Variants in GABBR1 observed in about 807,000 individuals in gnomAD.
The protein encoded by GABBR1 is gamma-aminobutyric acid type B receptor subunit 1.
A neutral mutation model predicts 117.7 loss-of-function variants in GABBR1; 35 were observed. The observed-to-expected ratio is 0.30, with a 90% CI of 0.23 to 0.39. GABBR1 has a LOEUF of 0.39. Among genes scored for constraint, GABBR1 ranks in the 10% least tolerant of loss-of-function variants. The probability of loss-of-function intolerance (pLI) is 1.00; values close to 1 mark genes in which losing one functional copy is unlikely to be tolerated. For synonymous variants in GABBR1, 442 were observed against 486.6 expected (o/e 0.91, Z 1.21); for missense variants, 709 against 1,241.8 (o/e 0.57, Z 6.45).
chr6:29,609,203 A>G lies in GABBR1; in HGVS notation c.1859+26T>C. The G allele has an allele frequency of 6.2e-7, 1 of 1,610,178 alleles. No homozygotes were observed. The highest frequency in any genetic ancestry group is 8.5e-7 in the Non-Finnish European group (1 of 1,177,472). ...GATCAGTATCTCAGAGAGGCAGACA[A>G]GGAAAACGTCAGAAGAGAAACTTAC... is the stretch of plus-strand genomic sequence containing the variant. On this transcript the variant is annotated intron_variant, in intron 15 of 22. Transcript: ENST00000377034. This position sits in a 1 kb window ranked among gnomAD's most constrained non-coding sequence, Gnocchi z 4.3.
chr6:29,622,086 C>T lies in GABBR1; in HGVS notation c.1065+18G>A, dbSNP rs1763811649. On this transcript the variant is annotated intron_variant, in intron 9 of 22. Coordinates refer to ENST00000377034, the MANE Select transcript of GABBR1 (RefSeq NM_001470.4). The surrounding 1 kb of genome is among the most constrained non-coding windows in gnomAD (Gnocchi z 4.6). ...TGGTCCCTCCGTAAACAGAGCCCAC[C>T]ACTCCCAGCCATCTGACCTTCAGGT... The T allele has an allele frequency of 6.2e-7, 1 of 1,602,514 alleles. No homozygotes were observed. The highest frequency in any genetic ancestry group is 1.3e-5 in the African/African-American group (1 of 74,668).
Position 29,603,297 on chromosome 6 carries a change from C to G in GABBR1, c.*246G>C. 1.5e-6 allele frequency: 1 copy of G among 679,088 alleles called. No homozygotes were observed. The highest frequency in any genetic ancestry group is 1.8e-5 in the African/African-American group (1 of 56,832). The allele number at this position is 679,088 out of a possible 1,614,324, so 42.1% of individuals were successfully genotyped here. On this transcript the variant is annotated 3_prime_UTR_variant, in exon 23 of 23. Coordinates refer to ENST00000377034, the MANE Select transcript of GABBR1 (RefSeq NM_001470.4). ...GCAGTGAGCAGCTTCAAGCCAGGTA[C>G]GAACTAAATTGTGAAGAGGTGATAC... is the stretch of plus-strand genomic sequence containing the variant.
At chr6:29,603,897 C>A (rs1278977256) in intron 22 of GABBR1, among the ~76,000 whole-genome samples, 181 bp from the exon 23 acceptor site, 1 of 151,734 alleles carries the variant, frequency 6.6e-6, no homozygotes, top group Admixed American at 6.6e-5. Flanking sequence ...ACAAGAAAAG[C>A]CAGAGAACAT....
chr6:29,628,244 G>A lies in GABBR1; in HGVS notation c.497-598C>T, dbSNP rs1168576846. The A allele has an allele frequency of 1.4e-5, 13 of 920,050 alleles. No homozygotes were observed. The African/African-American group carries it at 2.4e-4, about 17-fold the overall frequency. The allele number at this position is 920,050 out of a possible 1,614,324, so 57.0% of individuals were successfully genotyped here. A position where few individuals can be genotyped will look rare whatever the true frequency, so the allele number is the denominator to read the frequency against. On this transcript the variant is annotated intron_variant, in intron 5 of 22. Transcript: ENST00000377034. ...GAAAGGAACGAAAGAGGAAGGGAGG[G>A]ATCTCACTTAAGGGGACCCGAGGGG...
In GABBR1 at chr6:29,605,937, G is replaced by C. The variant is rs911871878; in HGVS notation, c.2312-241C>G. 3 of 580,362 alleles carry C rather than the reference G, an allele frequency of 5.2e-6. No individual in the cohort carries two copies. Among genetic ancestry groups the C allele is most frequent in the Non-Finnish European group, 6.1e-6 (2 of 326,532 alleles). 36.0% of individuals were successfully genotyped at this position (580,362 alleles called of 1,614,324 possible). Reference sequence around the variant, plus strand: ...AGGAAAGCAATGGTGGCAAGCTGCTGTCAGTCAGGCAAGGGCTTGTTGAAT... The same window carrying C: ...AGGAAAGCAATGGTGGCAAGCTGCTCTCAGTCAGGCAAGGGCTTGTTGAAT... On this transcript the variant is annotated intron_variant, in intron 19 of 22. Transcript: ENST00000377034. The surrounding 1 kb of genome is among the most constrained non-coding windows in gnomAD (Gnocchi z 4.2).
rs1457632219 is a variant in GABBR1 at position 29,632,704 on chromosome 6, C to G, written c.-1+146G>C. ...TACCCACGCTCCCGGCATCGGCCGCCTCAGCGCTCCCCGATTCCATCCCCG... is the reference window on the plus strand; with the variant it reads ...TACCCACGCTCCCGGCATCGGCCGCGTCAGCGCTCCCCGATTCCATCCCCG... On this transcript the variant is annotated intron_variant, in intron 1 of 22. Coordinates refer to ENST00000377034, the MANE Select transcript of GABBR1 (RefSeq NM_001470.4). This position sits in a 1 kb window ranked among gnomAD's most constrained non-coding sequence, Gnocchi z 5.8. The G allele has an allele frequency of 3.7e-5, 52 of 1,398,828 alleles. No homozygotes were observed. Among genetic ancestry groups the G allele is most frequent in the Non-Finnish European group, 4.8e-5 (51 of 1,067,438 alleles). 86.7% of individuals were successfully genotyped at this position (1,398,828 alleles called of 1,614,324 possible).
At position 29,602,907 on chromosome 6, in the gene GABBR1, CAT is replaced by C. The variant is rs377133351; in HGVS notation, c.*634_*635del. 379 of 427,522 alleles carry C rather than the reference CAT, an allele frequency of 8.9e-4. 4 individuals carry two copies. The highest frequency in any genetic ancestry group is 5.1e-3 in the South Asian group (297 of 58,782). 26.5% of individuals were successfully genotyped at this position (427,522 alleles called of 1,614,324 possible). On this transcript the variant is annotated 3_prime_UTR_variant, in exon 23 of 23. Transcript: ENST00000377034. ...AGCATACGGGAAAAGCGTGTGTACA[CAT>C]GAGCATGTTCAGTGGGCACACGCAG...
Position 29,621,914 on chromosome 6 carries a change from G to T in GABBR1, c.1066-97C>A. 7.8e-7 allele frequency: 1 copy of T among 1,283,994 alleles called. No individual in the cohort carries two copies. The highest frequency in any genetic ancestry group is 1.1e-6 in the Non-Finnish European group (1 of 888,150). The allele number at this position is 1,283,994 out of a possible 1,614,324, so 79.5% of individuals were successfully genotyped here. A position where few individuals can be genotyped will look rare whatever the true frequency, so the allele number is the denominator to read the frequency against. ...CAGCTTTGATTTCCCATCCCAAAGT[G>T]CTTAGTGCAGGGTAACGCTCAACGT... On this transcript the variant is annotated intron_variant, in intron 9 of 22. Transcript: ENST00000377034. This position sits in a 1 kb window ranked among gnomAD's most constrained non-coding sequence, Gnocchi z 5.0.
chr6:29,609,812 A>G lies in GABBR1; in HGVS notation c.1709-433T>C, dbSNP rs1762352447. ...ATGACAATTATGGAATCATAAAGCTAAAAAGGCCTTGAAGTATCTAGTGTG... is the reference window on the plus strand; with the variant it reads ...ATGACAATTATGGAATCATAAAGCTGAAAAGGCCTTGAAGTATCTAGTGTG... On this transcript the variant is annotated intron_variant, in intron 14 of 22. Coordinates refer to ENST00000377034, the MANE Select transcript of GABBR1 (RefSeq NM_001470.4). This position sits in a 1 kb window ranked among gnomAD's most constrained non-coding sequence, Gnocchi z 4.3. Among the ~76,000 whole-genome samples the G allele has an allele frequency of 6.6e-6, 1 of 152,118 alleles. No homozygotes were observed. Among genetic ancestry groups the G allele is most frequent in the Non-Finnish European group, 1.5e-5 (1 of 68,018 alleles).
rs1764385497 is a variant in GABBR1 at position 29,627,434 on chromosome 6, C to A, written c.657+52G>T. ...GATGGGGGCGCGTGCAGCTGGCTGGCCCCCTGCCCCGCAAGCCCCCACCTC... is the reference window on the plus strand; with the variant it reads ...GATGGGGGCGCGTGCAGCTGGCTGGACCCCTGCCCCGCAAGCCCCCACCTC... On this transcript the variant is annotated intron_variant, in intron 6 of 22. Transcript: ENST00000377034. This position sits in a 1 kb window ranked among gnomAD's most constrained non-coding sequence, Gnocchi z 4.4. 2 of 1,498,296 alleles carry A rather than the reference C, an allele frequency of 1.3e-6. No individual in the cohort carries two copies. The highest frequency in any genetic ancestry group is 1.8e-6 in the Non-Finnish European group (2 of 1,108,364). The allele number at this position is 1,498,296 out of a possible 1,614,324, so 92.8% of individuals were successfully genotyped here. A position where few individuals can be genotyped will look rare whatever the true frequency, so the allele number is the denominator to read the frequency against.
In GABBR1 at chr6:29,620,991, T is replaced by C; in HGVS notation, c.1323+110A>G. 9 of 866,206 alleles carry C rather than the reference T, an allele frequency of 1.0e-5. No individual in the cohort carries two copies. Among genetic ancestry groups the C allele is most frequent in the Non-Finnish European group, 1.6e-5 (9 of 570,650 alleles). The allele number at this position is 866,206 out of a possible 1,614,324, so 53.7% of individuals were successfully genotyped here. On this transcript the variant is annotated intron_variant, in intron 11 of 22. Coordinates refer to ENST00000377034, the MANE Select transcript of GABBR1 (RefSeq NM_001470.4). This position sits in a 1 kb window ranked among gnomAD's most constrained non-coding sequence, Gnocchi z 4.5. ...TCAGGGTGGGCACAGCCCCCTCTTCTCCTTTATATCCAAATTCCGCACCCT... is the reference window on the plus strand; with the variant it reads ...TCAGGGTGGGCACAGCCCCCTCTTCCCCTTTATATCCAAATTCCGCACCCT...
chr6:29,616,896 C>T (rs1294802473), intron 11 of GABBR1, among the ~76,000 whole-genome samples: 2 of 148,900 alleles, frequency 1.3e-5, no homozygotes, highest in Non-Finnish European at 3.0e-5. Context: ...GCCTGTAATC[C>T]CAGCATTTTG....
chr6:29,628,160 C>T (rs1252405374), intron 5 of GABBR1: 4 of 383,892 alleles, frequency 1.0e-5, no homozygotes, highest in African/African-American at 1.1e-4. Flanking sequence ...AAGCGAGCGC[C>T]GAGGTGGGAG....
At position 29,604,053 on chromosome 6, in the gene GABBR1, T is replaced by C. The variant is rs1231709451; in HGVS notation, c.2713-337A>G. ...TCAACCCAGTTGGAACATCCCTCTC[T>C]TTGGCATTGCACCAGCCCCTAATGA... On this transcript the variant is annotated intron_variant, in intron 22 of 22. Transcript: ENST00000377034. This position sits in a 1 kb window ranked among gnomAD's most constrained non-coding sequence, Gnocchi z 5.3. Among the ~76,000 whole-genome samples, 1 of 152,092 alleles carries C rather than the reference T, an allele frequency of 6.6e-6. No homozygotes were observed. Among genetic ancestry groups the C allele is most frequent in the Non-Finnish European group, 1.5e-5 (1 of 67,998 alleles).
chr6:29,621,546 A>G lies in GABBR1; in HGVS notation c.1131+206T>C, dbSNP rs1285763978. On this transcript the variant is annotated intron_variant, in intron 10 of 22. Transcript: ENST00000377034. The surrounding 1 kb of genome is among the most constrained non-coding windows in gnomAD (Gnocchi z 5.0). ...AATTCATGGGCTTCTCAGGAAACAC[A>G]AAGCAGTAGAAAAATGAGATCTGAA... Among the ~76,000 whole-genome samples, 2 of 152,184 alleles carry G rather than the reference A, an allele frequency of 1.3e-5. No individual in the cohort carries two copies. The highest frequency in any genetic ancestry group is 4.8e-5 in the African/African-American group (2 of 41,434).
In GABBR1 at chr6:29,632,492, C is replaced by T; in HGVS notation, c.1-107G>A. On this transcript the variant is annotated intron_variant, in intron 1 of 22. Transcript: ENST00000377034. The surrounding 1 kb of genome is among the most constrained non-coding windows in gnomAD (Gnocchi z 5.8). The stretch of plus-strand genomic sequence containing the variant: ...TTGCCTCGCAGGCTCCGACCGGGCT[C>T]AGCCTGGGGACCAAGAGAGCGCCCC... 1 of 1,060,930 alleles carries T rather than the reference C, an allele frequency of 9.4e-7. No individual in the cohort carries two copies. Among genetic ancestry groups the T allele is most frequent in the Non-Finnish European group, 1.3e-6 (1 of 787,286 alleles). 65.7% of individuals were successfully genotyped at this position (1,060,930 alleles called of 1,614,324 possible). A position where few individuals can be genotyped will look rare whatever the true frequency, so the allele number is the denominator to read the frequency against.
rs759368125 is a variant in GABBR1 at position 29,607,033 on chromosome 6, C to A, written c.2110-29G>T. On this transcript the variant is annotated intron_variant, in intron 17 of 22. Coordinates refer to ENST00000377034, the MANE Select transcript of GABBR1 (RefSeq NM_001470.4). This position sits in a 1 kb window ranked among gnomAD's most constrained non-coding sequence, Gnocchi z 5.0. ...GATAAATATGTGGGGAGAACAGGCA[C>A]GTCAGGGGAAAATGCTCTGTGCCCC... is the stretch of plus-strand genomic sequence containing the variant. 1 of 1,611,304 alleles carries A rather than the reference C, an allele frequency of 6.2e-7. No individual in the cohort carries two copies. The highest frequency in any genetic ancestry group is 8.5e-7 in the Non-Finnish European group (1 of 1,177,432).
At position 29,620,961 on chromosome 6, in the gene GABBR1, C is replaced by T. The variant is rs1763693728; in HGVS notation, c.1323+140G>A. ...GGATCCACAGGAAACATAATGCAGA[C>T]AAGTTCAGGGTGGGCACAGCCCCCT... On this transcript the variant is annotated intron_variant, in intron 11 of 22. Coordinates refer to ENST00000377034, the MANE Select transcript of GABBR1 (RefSeq NM_001470.4). This position sits in a 1 kb window ranked among gnomAD's most constrained non-coding sequence, Gnocchi z 4.5. The T allele has an allele frequency of 2.2e-5, 14 of 636,388 alleles. No individual in the cohort carries two copies. In the South Asian group the frequency reaches 2.9e-4, roughly 13 times the overall value. 39.4% of individuals were successfully genotyped at this position (636,388 alleles called of 1,614,324 possible).
At chr6:29,612,987 C>T (rs1762709804) in intron 12 of GABBR1, among the ~76,000 whole-genome samples, 1 of 152,172 alleles carries the variant, frequency 6.6e-6, no homozygotes, top group African/African-American at 2.4e-5. Flanking sequence ...CTATAGTTCT[C>T]ATCTGACTCA....
Sources: allele counts gnomAD v4.1 joint callset (sites outside exome capture counted in the v4.1 genomes callset), GRCh38; gene constraint gnomAD v4.1.1; non-coding constraint Gnocchi (gnomAD v3.1); transcripts MANE v1.5; gene names NCBI Gene and HGNC (gene_info 2026-07-23, HGNC 2026-07-21).